RBL1: variants seen among roughly 807,000 people sequenced by gnomAD.
The protein encoded by RBL1 is RB transcriptional corepressor like 1.
In RBL1, 82 loss-of-function variants were observed where a neutral mutation model predicts 123.0. The observed-to-expected ratio is 0.67, with a 90% CI of 0.56 to 0.80. The LOEUF is 0.80. Ranked by LOEUF, RBL1 falls within the 30% of genes least tolerant of loss-of-function variation. The pLI is 0.00. For missense variants in RBL1, 1,171 were observed against 1,299.6 expected (o/e 0.90, Z 1.52); for synonymous variants, 405 against 441.3 (o/e 0.92, Z 1.03).
In RBL1 at chr20:37,068,195, A is replaced by C. The variant is rs748879424; in HGVS notation, c.291-9T>G. 16 of 1,544,284 alleles carry C rather than the reference A, an allele frequency of 1.0e-5. No individual in the cohort carries two copies. Among genetic ancestry groups the C allele is most frequent in the Middle Eastern group, 2.0e-4 (1 of 5,098 alleles). ...TAAAAAATTGTATTAAACTAAAAAA[A>C]AAAAGGAGGAGAAAAAAGGCACCTT... On this transcript the variant is annotated splice_polypyrimidine_tract_variant and intron_variant, in intron 2 of 21. Transcript: ENST00000373664.
chr20:37,050,138 A>G (rs1177876651), intron 11 of RBL1, among the ~76,000 whole-genome samples: 1 of 152,176 alleles, frequency 6.6e-6, no homozygotes, highest in Non-Finnish European at 1.5e-5. Context: ...CAGTCAAGAA[A>G]ATTTCGAATA....
intron 20 of RBL1, among the ~76,000 whole-genome samples, chr20:37,005,283 T>A (rs2064052558): frequency 6.6e-6 from 1 of 151,828 alleles, no homozygotes; most frequent in Non-Finnish European, 1.5e-5. Flanking sequence ...GACAGGCGCC[T>A]GTAATGCCAG....
chr20:37,071,045 C>T (rs540381889), intron 2 of RBL1, among the ~76,000 whole-genome samples: 36 of 152,144 alleles, frequency 2.4e-4, no homozygotes, highest in African/African-American at 8.7e-4. Flanking sequence ...CAGGTGCACA[C>T]CACCATGCCT....
chr20:37,076,860 C>T (rs886571780), intron 2 of RBL1, among the ~76,000 whole-genome samples: 3 of 152,056 alleles, frequency 2.0e-5, no homozygotes, highest in Non-Finnish European at 4.4e-5. Context: ...ACCATCAAAC[C>T]TACACTTGCA....
intron 1 of RBL1, among the ~76,000 whole-genome samples, chr20:37,092,271 G>C (rs1450700772): frequency 6.6e-6 from 1 of 152,070 alleles, no homozygotes; most frequent in Non-Finnish European, 1.5e-5. Flanking sequence ...ATTCTAGCAA[G>C]ATGGTGAAAA....
At chr20:37,053,459 A>C (rs2146281734) in intron 11 of RBL1, among the ~76,000 whole-genome samples, 1 of 152,294 alleles carries the variant, frequency 6.6e-6, no homozygotes, top group East Asian at 1.9e-4. Context: ...TCCTATGATG[A>C]AATGGTGTCC....
intron 1 of RBL1, among the ~76,000 whole-genome samples, chr20:37,091,025 T>A (rs1435762645): frequency 1.3e-5 from 2 of 152,242 alleles, no homozygotes; most frequent in East Asian, 3.9e-4. Context: ...ACTTCATGAC[T>A]TCACTGCTGA....
intron 16 of RBL1, among the ~76,000 whole-genome samples, chr20:37,031,991 T>C (rs953927890): frequency 6.7e-6 from 1 of 149,560 alleles, no homozygotes; most frequent in African/African-American, 2.5e-5. Flanking sequence ...CAAGTGATCC[T>C]CCTGCCTCGG....
At chr20:37,070,495 C>CATAAA (rs976797885) in intron 2 of RBL1, among the ~76,000 whole-genome samples, 7 of 149,616 alleles carry the variant, frequency 4.7e-5, no homozygotes, top group Non-Finnish European at 7.4e-5. Flanking sequence ...AAAAAAAAAA[C>CATAAA]ATAAAATAAA....
In RBL1 at chr20:37,038,884, T is replaced by C. The variant is rs369758789; in HGVS notation, c.1903+1269A>G. 3.3e-5 allele frequency among the ~76,000 whole-genome samples: 5 copies of C among 152,196 alleles called. No individual in the cohort carries two copies. The East Asian group carries it at 5.8e-4, about 18-fold the overall frequency. On this transcript the variant is annotated intron_variant, in intron 14 of 21. Transcript: ENST00000373664. ...TCCCAAAGTGCTGGGATTACAGGTGTGAGCCACCGCACCTGGCCTGCAGTC... is the reference window on the plus strand; with the variant it reads ...TCCCAAAGTGCTGGGATTACAGGTGCGAGCCACCGCACCTGGCCTGCAGTC...
chr20:37,089,083 C>T lies in RBL1; in HGVS notation c.196G>A (p.Ala66Thr). The change falls in exon 2 of 22, where the codon GCA becomes ACA. Residue 66 changes from alanine (A) to threonine (T), a missense_variant. Physicochemically the swap from Ala to Thr is moderately conservative, Grantham distance 58. Coordinates refer to ENST00000373664, the MANE Select transcript of RBL1 (RefSeq NM_002895.5). ...GTGGGAATAATGCTTTTGCGGCATGCAACATATAATGAACATGCCAACCAG... is the reference window on the plus strand; with the variant it reads ...GTGGGAATAATGCTTTTGCGGCATGTAACATATAATGAACATGCCAACCAG... The part of the protein sequence containing the change: ...THWLACSLYV[A>T]CRKSIIPTVG... 1 of 1,611,086 alleles carries T rather than the reference C, an allele frequency of 6.2e-7. No individual in the cohort carries two copies. The highest frequency in any genetic ancestry group is 1.1e-5 in the South Asian group (1 of 90,676).
chr20:37,015,470 G>A (rs141687619), intron 19 of RBL1, among the ~76,000 whole-genome samples: 185 of 151,192 alleles, frequency 1.2e-3, no homozygotes, highest in South Asian at 1.7e-3. Flanking sequence ...TCACTCTGTC[G>A]CCCAGGGTAG....
chr20:37,019,734 T>C (rs1392176235), intron 18 of RBL1, among the ~76,000 whole-genome samples: 4 of 152,228 alleles, frequency 2.6e-5, no homozygotes, highest in Admixed American at 6.5e-5. Flanking sequence ...GAGGCCATTA[T>C]GCTTCCTAAG....
intron 19 of RBL1, among the ~76,000 whole-genome samples, chr20:37,017,372 C>CA (rs796094666): frequency 0.023 from 3,097 of 135,504 alleles, 98 homozygotes; most frequent in African/African-American, 0.077. Flanking sequence ...AACCCTATCT[C>CA]AAAAAAAAAA....
At chr20:37,061,468 A>C (rs947882930) in intron 8 of RBL1, among the ~76,000 whole-genome samples, 199 bp from the exon 9 acceptor site, 7 of 152,248 alleles carry the variant, frequency 4.6e-5, no homozygotes, top group African/African-American at 1.7e-4. Flanking sequence ...TTTAATCTTC[A>C]CACCACTGAT....
chr20:37,056,024 G>T, intron 10 of RBL1, 122 bp downstream of exon 10: 1 of 1,444,086 alleles, frequency 6.9e-7, no homozygotes, highest in Non-Finnish European at 9.1e-7. Flanking sequence ...TCCAGCCTGG[G>T]CAACTCGGTC....
intron 16 of RBL1, among the ~76,000 whole-genome samples, chr20:37,029,512 G>T: frequency 6.6e-6 from 1 of 152,156 alleles, no homozygotes; most frequent in Non-Finnish European, 1.5e-5. Flanking sequence ...AACCTGAAAG[G>T]TGTTCCTCTA....
chr20:37,091,007 C>A (rs1436826392), intron 1 of RBL1, among the ~76,000 whole-genome samples: 1 of 152,134 alleles, frequency 6.6e-6, no homozygotes, highest in Non-Finnish European at 1.5e-5. Flanking sequence ...CATCTCCAAG[C>A]TAGAATCACT....
intron 20 of RBL1, among the ~76,000 whole-genome samples, chr20:37,006,973 G>A (rs1327299562): frequency 6.6e-6 from 1 of 152,002 alleles, no homozygotes; most frequent in Non-Finnish European, 1.5e-5. Flanking sequence ...CATGCCAGGC[G>A]TGGTGGTTCA....
Sources: allele counts gnomAD v4.1 joint callset (sites outside exome capture counted in the v4.1 genomes callset), GRCh38; gene constraint gnomAD v4.1.1; transcripts MANE v1.5; gene names NCBI Gene and HGNC (gene_info 2026-07-23, HGNC 2026-07-21).